The following KAT14 variants were observed in gnomAD, a reference collection of about 807,000 sequenced individuals.
The protein encoded by KAT14 is cysteine-rich protein 2-binding protein.
Under a neutral mutation model 78.4 loss-of-function variants are expected in KAT14, and 66 were observed. The observed-to-expected ratio is 0.84, with a 90% CI of 0.69 to 1.03. The LOEUF (loss-of-function observed/expected upper bound fraction) is 1.03. Among genes scored for constraint, KAT14 ranks in the 50% least tolerant of loss-of-function variants. KAT14 has a pLI of 0.00. For synonymous variants in KAT14, 344 were observed against 359.4 expected, an observed-to-expected ratio of 0.96 and a Z score of 0.48; for missense variants, 870 against 972.5, an observed-to-expected ratio of 0.89 and a Z score of 1.40.
At chr20:18,148,076 AAG>A (rs1568664074) in intron 3 of KAT14, among the ~76,000 whole-genome samples, 2 of 152,314 alleles carry the variant, frequency 1.3e-5, no homozygotes, top group East Asian at 3.9e-4. Context: ...GAAGACCTGA[AAG>A]AGAATCAGTT....
chr20:18,161,423 ACTT>A (rs2038416296), intron 5 of KAT14, among the ~76,000 whole-genome samples: 2 of 152,096 alleles, frequency 1.3e-5, no homozygotes, highest in Admixed American at 1.3e-4. Flanking sequence ...TTGCAGTATA[ACTT>A]CTTTTTTCTC....
chr20:18,162,963 C>A lies in KAT14; in HGVS notation c.1668+18C>A. On this transcript the variant is annotated intron_variant, in intron 7 of 10. Transcript: ENST00000688188. ...GATACCAGGTGAATGCAAGCACTTGCTGTAAAGCCCTTGGGGGCAGGAGTG... is the reference window on the plus strand; with the variant it reads ...GATACCAGGTGAATGCAAGCACTTGATGTAAAGCCCTTGGGGGCAGGAGTG... 6.2e-7 allele frequency: 1 copy of A among 1,609,006 alleles called. No homozygotes were observed. The highest frequency in any genetic ancestry group is 1.7e-5 in the Admixed American group (1 of 59,616).
At chr20:18,177,825 A>C (rs1226143849) in intron 7 of KAT14, among the ~76,000 whole-genome samples, 1 of 152,176 alleles carries the variant, frequency 6.6e-6, no homozygotes, top group Admixed American at 6.5e-5. Context: ...TTAGTACATG[A>C]CTGAGAGCCC....
chr20:18,138,096 T>G (rs1205190), intron 1 of KAT14, 45 bp downstream of exon 1: 1,398,841 of 1,430,600 alleles, frequency 0.98, 683,937 homozygotes, highest in East Asian at 1. Context: ...GCGCGCGGCG[T>G]CGACCTGGGG....
chr20:18,181,840 A>G lies in KAT14; in HGVS notation c.1799A>G (p.Tyr600Cys), dbSNP rs1568675376. The G allele has an allele frequency of 1.9e-6, 3 of 1,613,922 alleles. No homozygotes were observed. Among genetic ancestry groups the G allele is most frequent in the East Asian group, 2.2e-5 (1 of 44,880 alleles). The stretch of plus-strand genomic sequence containing the variant: ...TATACCTCTCGGATCTTGAAACCTT[A>G]TATCAGGTATATGGAGAACTAGAGG... ...SPYTSRILKP[Y>C]IRRDYETKPP... Residue 600 changes from tyrosine to cysteine, a missense_variant, in exon 8 of 11, where the codon TAT becomes TGT. Transcript: ENST00000688188.
rs779675092 is a variant in KAT14 at position 18,162,666 on chromosome 20, C to T, written c.1389C>T (p.Ser463=). The change falls in exon 7 of 11, where the codon AGC becomes AGT. Residue 463 remains serine (S), a synonymous_variant. Coordinates refer to ENST00000688188, the MANE Select transcript of KAT14 (RefSeq NM_001392073.1). ...AAGAGCCCAGGTATACTCCCGTGAGCATCTACGAGGAAAAGCTGCTGCTCA... is the reference window on the plus strand; with the variant it reads ...AAGAGCCCAGGTATACTCCCGTGAGTATCTACGAGGAAAAGCTGCTGCTCA... ...KPKEPRYTPV[S]IYEEKLLLKR... is the part of the protein sequence containing the mutation. The T allele has an allele frequency of 3.7e-5, 59 of 1,614,118 alleles. No homozygotes were observed. Among genetic ancestry groups the T allele is most frequent in the Non-Finnish European group, 4.6e-5 (54 of 1,180,058 alleles).
intron 3 of KAT14, among the ~76,000 whole-genome samples, chr20:18,148,389 G>A (rs1373918755): frequency 6.6e-6 from 1 of 152,160 alleles, no homozygotes; most frequent in Non-Finnish European, 1.5e-5. Flanking sequence ...GGATAGGGAA[G>A]TTTTTGCATT....
chr20:18,153,646 C>T (rs923635213), intron 4 of KAT14, among the ~76,000 whole-genome samples: 3 of 152,164 alleles, frequency 2.0e-5, no homozygotes, highest in Non-Finnish European at 2.9e-5. Flanking sequence ...ATCAGCTGAG[C>T]CTTATTTCTT....
intron 9 of KAT14, chr20:18,183,559 T>A (rs1223251288): frequency 1.0e-6 from 1 of 984,088 alleles, no homozygotes; most frequent in Non-Finnish European, 1.2e-6. Context: ...CCTGTTTTGC[T>A]TCTGCATATG....
intron 7 of KAT14, among the ~76,000 whole-genome samples, chr20:18,174,311 T>G (rs1004799010): frequency 1.3e-5 from 2 of 152,220 alleles, no homozygotes; most frequent in African/African-American, 4.8e-5. Flanking sequence ...CACACATTTT[T>G]ATTTCTCTGA....
In KAT14 at chr20:18,187,442, C is replaced by T. The variant is rs760460259; in HGVS notation, c.2329C>T (p.Leu777=). The part of the protein sequence containing the change: ...ESTECKHAFF[L]RLRR ...TACAGAGTGTAAACACGCATTCTTT[C>T]TGAGGCTCCGGCGCTGATGCGAATA... The change falls in exon 11 of 11, where the codon CTG becomes TTG. Residue 777 remains leucine, a synonymous_variant. Coordinates refer to ENST00000688188, the MANE Select transcript of KAT14 (RefSeq NM_001392073.1). The T allele has an allele frequency of 1.1e-5, 17 of 1,613,998 alleles. No individual in the cohort carries two copies. The East Asian group carries it at 3.6e-4, about 34-fold the overall frequency.
At chr20:18,179,100 G>C (rs1400106387) in intron 7 of KAT14, among the ~76,000 whole-genome samples, 1 of 152,192 alleles carries the variant, frequency 6.6e-6, no homozygotes, top group Non-Finnish European at 1.5e-5. Context: ...CTTACATCCA[G>C]GTCACACTGA....
At chr20:18,180,850 T>A (rs1386305025) in intron 7 of KAT14, among the ~76,000 whole-genome samples, 1 of 152,064 alleles carries the variant, frequency 6.6e-6, no homozygotes, top group Non-Finnish European at 1.5e-5. Flanking sequence ...TCCCACCAGG[T>A]CCCTCCCACA....
chr20:18,176,319 A>AAG (rs2039048441), intron 7 of KAT14, among the ~76,000 whole-genome samples: 1 of 151,228 alleles, frequency 6.6e-6, no homozygotes, highest in African/African-American at 2.4e-5. Flanking sequence ...AAAAAAAAAA[A>AAG]GTGCCAAGCG....
intron 1 of KAT14, chr20:18,138,563 G>GC: frequency 4.6e-6 from 3 of 657,322 alleles, no homozygotes; most frequent in Non-Finnish European, 5.7e-6. Flanking sequence ...TGGTAAGGGA[G>GC]CCCCCCTTCC....
At chr20:18,154,978 A>G (rs2038171959) in intron 4 of KAT14, among the ~76,000 whole-genome samples, 1 of 152,192 alleles carries the variant, frequency 6.6e-6, no homozygotes, top group African/African-American at 2.4e-5. Flanking sequence ...CTAAGTTTTC[A>G]TATACTTTTT....
intron 8 of KAT14, among the ~76,000 whole-genome samples, chr20:18,182,515 C>T (rs2039297008): frequency 1.3e-5 from 2 of 152,202 alleles, no homozygotes; most frequent in African/African-American, 4.8e-5. Flanking sequence ...TCCATCTGGA[C>T]TGGATGTATA....
intron 9 of KAT14, chr20:18,183,659 A>G (rs2039348446): frequency 1.9e-6 from 1 of 527,302 alleles, no homozygotes; most frequent in South Asian, 8.2e-5. Context: ...ATAATTCTTT[A>G]TGTTTTGTTT....
chr20:18,141,023 A>ATTTTTTTTTTTTTTTTTTTTT (rs67633205), intron 1 of KAT14, among the ~76,000 whole-genome samples: 17 of 48,748 alleles, frequency 3.5e-4, no homozygotes, highest in African/African-American at 4.4e-4. Context: ...ACTCCCTGCA[A>ATTTTTTTTTTTTTTTTTTTTT]TTTTTTTTTT....
Sources: allele counts gnomAD v4.1 joint callset (sites outside exome capture counted in the v4.1 genomes callset), GRCh38; gene constraint gnomAD v4.1.1; transcripts MANE v1.5; gene names NCBI Gene and HGNC (gene_info 2026-07-23, HGNC 2026-07-21).